Variants in NHSL3 observed in about 807,000 individuals in gnomAD.
NHSL3 encodes the protein NHS like 3, also known as NHS-like protein 3.
the NHSL3 span, chr1:32,771,055 G>A: frequency 2.1e-5 from 34 of 1,606,702 alleles, no homozygotes; most frequent in Middle Eastern, 5.0e-4. Context: ...TGGGGCCTCC[G>A]TCTCCTCTTC....
chr1:32,769,181 G>A, the NHSL3 span, among the ~76,000 whole-genome samples: 171 of 152,140 alleles, frequency 1.1e-3, no homozygotes, highest in Admixed American at 2.2e-3. Flanking sequence ...GTGAACCCAG[G>A]AGGTGGAGCT....
the NHSL3 span, chr1:32,769,973 G>T: frequency 6.2e-7 from 1 of 1,607,720 alleles, no homozygotes; most frequent in Non-Finnish European, 8.5e-7. Context: ...CGCCCCCGAG[G>T]CACCTCAGGG....
chr1:32,756,112 C>T, the NHSL3 span, among the ~76,000 whole-genome samples: 1,853 of 152,120 alleles, frequency 0.012, 37 homozygotes, highest in African/African-American at 0.043. Flanking sequence ...AGCTTTAAGG[C>T]GTTCTGAAAA....
At chr1:32,759,395 G>T in the NHSL3 span, among the ~76,000 whole-genome samples, 1 of 152,192 alleles carries the variant, frequency 6.6e-6, no homozygotes, top group Non-Finnish European at 1.5e-5. Context: ...AAAGGGCTGT[G>T]GAAAGTTAGA....
the NHSL3 span, chr1:32,770,388 G>A: frequency 6.2e-7 from 1 of 1,607,766 alleles, no homozygotes; most frequent in African/African-American, 1.3e-5. The surrounding 1 kb of genome is among the most constrained non-coding windows in gnomAD (Gnocchi z 8.3). Context: ...CCAGCCCACA[G>A]CCCCGCAGCC....
At chr1:32,766,532 T>C in the NHSL3 span, among the ~76,000 whole-genome samples, 2 of 152,064 alleles carry the variant, frequency 1.3e-5, no homozygotes, top group East Asian at 1.9e-4. Context: ...CTGGTCTGGT[T>C]GGATCTGTTG....
the NHSL3 span, chr1:32,770,576 G>C: frequency 1.1e-5 from 17 of 1,520,988 alleles, no homozygotes; most frequent in South Asian, 9.1e-5. The surrounding 1 kb of genome is among the most constrained non-coding windows in gnomAD (Gnocchi z 8.3). Flanking sequence ...TCTCCCAGTG[G>C]GGGCAGCACT....
the NHSL3 span, chr1:32,772,129 G>A: frequency 6.2e-7 from 1 of 1,613,258 alleles, no homozygotes; most frequent in Non-Finnish European, 8.5e-7. Context: ...GCTGCAGCTG[G>A]AGCGGCCCGT....
chr1:32,771,554 A>C, the NHSL3 span: 7 of 1,604,818 alleles, frequency 4.4e-6, no homozygotes, highest in Non-Finnish European at 6.0e-6. Flanking sequence ...CCACCAGAGG[A>C]GGCTTTTTTC....
the NHSL3 span, chr1:32,754,007 C>T: frequency 2.0e-5 from 9 of 453,198 alleles, no homozygotes; most frequent in Admixed American, 4.5e-5. Flanking sequence ...GCGAGTCTCG[C>T]TGCCTCCCTC....
chr1:32,769,669 C>G, the NHSL3 span: 1 of 1,609,774 alleles, frequency 6.2e-7, no homozygotes, highest in Non-Finnish European at 8.5e-7. Context: ...CGACTGGCCC[C>G]CAGGCTCCAC....
At chr1:32,773,798 A>AG in the NHSL3 span, 10 of 152,620 alleles carry the variant, frequency 6.6e-5, no homozygotes, top group Admixed American at 2.6e-4. Flanking sequence ...GAGCATCTGG[A>AG]GGGGGGGAGC....
At chr1:32,759,827 T>C in the NHSL3 span, among the ~76,000 whole-genome samples, 15 of 152,344 alleles carry the variant, frequency 9.8e-5, no homozygotes, top group African/African-American at 3.6e-4. Flanking sequence ...TGGGTGACCT[T>C]GAGCAAGTTA....
At chr1:32,771,169 C>A in the NHSL3 span, 1 of 1,611,788 alleles carries the variant, frequency 6.2e-7, no homozygotes, top group Non-Finnish European at 8.5e-7. Flanking sequence ...ACCTCCTCAC[C>A]CCAAGGTGCC....
the NHSL3 span, among the ~76,000 whole-genome samples, chr1:32,750,875 G>A: frequency 6.6e-6 from 1 of 151,470 alleles, no homozygotes. Context: ...GCAGTGGTGT[G>A]ATCTCAGCTC....
At chr1:32,752,162 A>G in the NHSL3 span, among the ~76,000 whole-genome samples, 5 of 152,154 alleles carry the variant, frequency 3.3e-5, no homozygotes, top group Middle Eastern at 6.3e-3. Context: ...TGTATGCTCA[A>G]TGAATATTTT....
At chr1:32,771,982 C>G in the NHSL3 span, 43 of 1,605,320 alleles carry the variant, frequency 2.7e-5, 1 homozygote, top group East Asian at 8.1e-4. Context: ...TGCTGCGGTC[C>G]GACTCAAGGC....
the NHSL3 span, chr1:32,769,915 C>G: frequency 1.2e-6 from 2 of 1,608,030 alleles, no homozygotes; most frequent in South Asian, 2.2e-5. Context: ...AGGCACGCCC[C>G]GGGCTCCTGG....
At chr1:32,771,848 G>A in the NHSL3 span, 145 of 1,602,922 alleles carry the variant, frequency 9.0e-5, no homozygotes, top group Middle Eastern at 1.7e-4. Flanking sequence ...GTGCGGCTGC[G>A]CTCCGTGGGT....
Sources: gnomAD v4.1 joint callset for allele counts (sites outside exome capture counted in the v4.1 genomes callset) on GRCh38, gnomAD v4.1.1 for gene constraint, Gnocchi (gnomAD v3.1) non-coding constraint, MANE v1.5 for transcripts, NCBI Gene and HGNC (gene_info 2026-07-23, HGNC 2026-07-21) for gene names.